Variants in ROR1 observed in about 807,000 individuals in gnomAD.
The protein encoded by ROR1 is ROR family WNT receptor 1, also known as inactive tyrosine-protein kinase transmembrane receptor ROR1.
In ROR1, 19 loss-of-function variants were observed where a neutral mutation model predicts 78.8. That is an observed-to-expected ratio of 0.24 (90% CI 0.17 to 0.35). The LOEUF (loss-of-function observed/expected upper bound fraction) is 0.35, where lower values mean the gene tolerates loss of function less well. Ranked by LOEUF, ROR1 falls within the 10% of genes least tolerant of loss-of-function variation. ROR1 has a pLI of 1.00. For synonymous variants in ROR1, 386 were observed against 433.6 expected (o/e 0.89, Z 1.36); for missense variants, 917 against 1,177.8 (o/e 0.78, Z 3.24).
chr1:63,855,892 C>T (rs777771023), intron 1 of ROR1, among the ~76,000 whole-genome samples: 2 of 151,872 alleles, frequency 1.3e-5, no homozygotes, highest in African/African-American at 2.4e-5. Flanking sequence ...CTCTTGACCT[C>T]GTGACCCGCC....
At chr1:64,020,929 C>T (rs1225669672) in intron 2 of ROR1, among the ~76,000 whole-genome samples, 1 of 152,050 alleles carries the variant, frequency 6.6e-6, no homozygotes, top group Admixed American at 6.6e-5. Context: ...CACTAATCAT[C>T]TCTTTAGTTC....
intron 1 of ROR1, among the ~76,000 whole-genome samples, chr1:63,884,842 T>G (rs1006428900): frequency 2.7e-5 from 4 of 150,120 alleles, no homozygotes; most frequent in African/African-American, 7.3e-5. Flanking sequence ...TATGGTGTGT[T>G]TTTTTTTTTG....
At chr1:63,985,594 G>A (rs917211343) in intron 1 of ROR1, among the ~76,000 whole-genome samples, 1 of 151,874 alleles carries the variant, frequency 6.6e-6, no homozygotes, top group Non-Finnish European at 1.5e-5. Context: ...AAAAATATAG[G>A]GGCCAGGCAT....
intron 4 of ROR1, among the ~76,000 whole-genome samples, chr1:64,070,859 C>A (rs141766563): frequency 6.6e-6 from 1 of 152,216 alleles, no homozygotes; most frequent in Non-Finnish European, 1.5e-5. Context: ...AGAAGAAAGT[C>A]TAATGTGTCA....
intron 1 of ROR1, among the ~76,000 whole-genome samples, chr1:64,007,209 G>A (rs1256537503): frequency 6.6e-6 from 1 of 152,116 alleles, no homozygotes; most frequent in Non-Finnish European, 1.5e-5. Context: ...TGTGCTTAAA[G>A]GACTCTACGA....
intron 1 of ROR1, among the ~76,000 whole-genome samples, chr1:63,944,747 G>A (rs1645870569): frequency 1.3e-5 from 2 of 152,298 alleles, no homozygotes; most frequent in Middle Eastern, 6.8e-3. Flanking sequence ...TGGATGCAGA[G>A]TCAGGAGACC....
chr1:63,949,866 G>T (rs1279382686), intron 1 of ROR1, among the ~76,000 whole-genome samples: 2 of 152,076 alleles, frequency 1.3e-5, no homozygotes, highest in Non-Finnish European at 2.9e-5. Flanking sequence ...GGTTTGTGTG[G>T]GGTGGAGGTG....
chr1:63,927,962 T>TCG (rs1557566058), intron 1 of ROR1, among the ~76,000 whole-genome samples: 1 of 147,310 alleles, frequency 6.8e-6, no homozygotes, highest in East Asian at 2.0e-4. Flanking sequence ...GGGTTCCCTT[T>TCG]TTTTTTTTTT....
chr1:64,018,112 A>G (rs988292671), intron 2 of ROR1, among the ~76,000 whole-genome samples: 7 of 152,116 alleles, frequency 4.6e-5, no homozygotes, highest in Non-Finnish European at 7.3e-5. Context: ...CCAGAAACCT[A>G]TGGACTAGGG....
At chr1:63,887,546 A>G (rs1325106277) in intron 1 of ROR1, among the ~76,000 whole-genome samples, 2 of 152,136 alleles carry the variant, frequency 1.3e-5, no homozygotes, top group Non-Finnish European at 2.9e-5. Flanking sequence ...AGTCAATTGT[A>G]CTACCCTGCC....
intron 1 of ROR1, among the ~76,000 whole-genome samples, chr1:63,838,939 A>G (rs1352763392): frequency 6.6e-6 from 1 of 152,240 alleles, no homozygotes; most frequent in African/African-American, 2.4e-5. Context: ...AGTATTCAGT[A>G]TGGTAACATG....
intron 1 of ROR1, among the ~76,000 whole-genome samples, chr1:63,917,371 T>A (rs911438775): frequency 6.6e-6 from 1 of 152,142 alleles, no homozygotes; most frequent in Non-Finnish European, 1.5e-5. Context: ...AAAAAAGCAA[T>A]CACAGTTCTA....
intron 1 of ROR1, among the ~76,000 whole-genome samples, chr1:63,871,778 C>T (rs17125691): frequency 0.055 from 8,404 of 152,294 alleles, 582 homozygotes; most frequent in African/African-American, 0.15. Context: ...CTACTGGAGA[C>T]TGATGGGTTT....
intron 1 of ROR1, among the ~76,000 whole-genome samples, chr1:63,905,815 T>C (rs1645523634): frequency 6.6e-6 from 1 of 152,120 alleles, no homozygotes; most frequent in Non-Finnish European, 1.5e-5. Flanking sequence ...AACAACCAAA[T>C]AGTCTCATAA....
intron 1 of ROR1, among the ~76,000 whole-genome samples, chr1:63,829,958 T>A (rs969027216): frequency 1.3e-5 from 2 of 151,996 alleles, no homozygotes; most frequent in African/African-American, 4.8e-5. Context: ...TTAAGCTCCA[T>A]GAAATTAGCT....
At chr1:63,963,689 C>T (rs760829086) in intron 1 of ROR1, among the ~76,000 whole-genome samples, 7 of 152,112 alleles carry the variant, frequency 4.6e-5, no homozygotes, top group Non-Finnish European at 8.8e-5. Flanking sequence ...TTCCCAGGCT[C>T]CTTTACGGAT....
At chr1:63,887,779 C>T (rs1434406293) in intron 1 of ROR1, among the ~76,000 whole-genome samples, 2 of 152,164 alleles carry the variant, frequency 1.3e-5, no homozygotes, top group Non-Finnish European at 2.9e-5. Context: ...AATGATGGGC[C>T]TAGGTGACCT....
intron 1 of ROR1, among the ~76,000 whole-genome samples, chr1:63,974,906 A>G (rs1389848105): frequency 6.6e-6 from 1 of 152,192 alleles, no homozygotes; most frequent in Non-Finnish European, 1.5e-5. Context: ...CTCTGCCTTT[A>G]GCTATCGATG....
chr1:64,092,780 T>C (rs1210791480), intron 4 of ROR1, among the ~76,000 whole-genome samples: 1 of 152,200 alleles, frequency 6.6e-6, no homozygotes. Context: ...TAATGGAGCC[T>C]TTCTTTTCCT....
Sources: allele counts gnomAD v4.1 joint callset (sites outside exome capture counted in the v4.1 genomes callset), GRCh38; gene constraint gnomAD v4.1.1; transcripts MANE v1.5; gene names NCBI Gene and HGNC (gene_info 2026-07-23, HGNC 2026-07-21).